The following MYH2 variants were observed in gnomAD, a reference collection of about 807,000 sequenced individuals.
MYH2 encodes myosin-2.
A neutral mutation model predicts 228.1 loss-of-function variants in MYH2; 139 were observed. That is an observed-to-expected ratio of 0.61 (90% confidence interval 0.53 to 0.70). The LOEUF (loss-of-function observed/expected upper bound fraction) is 0.70, where lower values mean the gene tolerates loss of function less well. Ranked by LOEUF, MYH2 falls within the 30% of genes least tolerant of loss-of-function variation. The pLI is 0.00. For synonymous variants in MYH2, 796 were observed against 871.1 expected (o/e 0.91, Z 1.52); for missense variants, 1,809 against 2,357.5 (o/e 0.77, Z 4.82).
rs746616522 is a variant in MYH2 at position 10,523,671 on chromosome 17, A to G, written c.5302-5T>C. 7 of 1,614,216 alleles carry G rather than the reference A, an allele frequency of 4.3e-6. No homozygotes were observed. In the Admixed American group the frequency reaches 1.0e-4, roughly 23 times the overall value. On this transcript the variant is annotated splice_region_variant and splice_polypyrimidine_tract_variant and intron_variant, in intron 36 of 39. Coordinates refer to ENST00000245503, the MANE Select transcript of MYH2 (RefSeq NM_017534.6). ...CTCCTCAGCCATCATGGCGGCCTAA[A>G]TAGCAAATAAATCAAGAAAACCAAG...
intron 14 of MYH2, among the ~76,000 whole-genome samples, chr17:10,538,849 C>T (rs1330918635): frequency 3.3e-5 from 5 of 151,964 alleles, no homozygotes; most frequent in Non-Finnish European, 7.4e-5. Context: ...TTCATGATAT[C>T]ACACTAATGA....
intron 21 of MYH2, among the ~76,000 whole-genome samples, chr17:10,533,055 TATTAG>T (rs1310173119): frequency 2.0e-5 from 3 of 152,200 alleles, no homozygotes; most frequent in Non-Finnish European, 2.9e-5. Flanking sequence ...TATTTTATCT[TATTAG>T]ATAAGAAGTA....
Position 10,533,295 on chromosome 17 carries a change from C to T in MYH2, c.2431G>A (p.Val811Met). ...FLARVEYQRM[V>M]ERREAIFCIQ... The stretch of plus-strand genomic sequence containing the variant: ...ACATATTTTTTATACCTTCTCTCCA[C>T]CATCCTCTGGTACTCCACTCTTGCC... Residue 811 changes from valine to methionine, a missense_variant, in exon 21 of 40, where the codon GTG (valine) becomes ATG (methionine). By Grantham distance (21) the Val-to-Met change is conservative. Transcript: ENST00000245503. 1 of 1,614,200 alleles carries T rather than the reference C, an allele frequency of 6.2e-7. No individual in the cohort carries two copies. Among genetic ancestry groups the T allele is most frequent in the South Asian group, 1.1e-5 (1 of 91,080 alleles).
At position 10,540,033 on chromosome 17, in the gene MYH2, C is replaced by G. The variant is rs1393204531; in HGVS notation, c.1042G>C (p.Glu348Gln). Residue 348 changes from glutamate to glutamine, a missense_variant, in exon 12 of 40, where the codon GAA (glutamate) becomes CAA (glutamine). Around this residue, in one of 9 missense-constraint regions of MYH2, gnomAD observed 373 missense variants for 620.4 expected, o/e 0.60. Coordinates refer to ENST00000245503, the MANE Select transcript of MYH2 (RefSeq NM_017534.6). The part of the protein sequence containing the change: ...AIDILGFTNE[E>Q]KVSIYKLTGA... ...GTGAGCTTGTAAATGGAGACCTTTT[C>G]TTCATTAGTAAAGCCCAAAATATCA... is the stretch of plus-strand genomic sequence containing the variant. 2 of 1,614,020 alleles carry G rather than the reference C, an allele frequency of 1.2e-6. No homozygotes were observed. Among genetic ancestry groups the G allele is most frequent in the South Asian group, 2.2e-5 (2 of 91,074 alleles).
intron 10 of MYH2, among the ~76,000 whole-genome samples, chr17:10,542,007 C>G (rs2073562273): frequency 1.3e-5 from 2 of 152,182 alleles, no homozygotes. Flanking sequence ...GGCACAGTGT[C>G]TCATGCCCAT....
chr17:10,528,893 G>C lies in MYH2; in HGVS notation c.3541C>G (p.Arg1181Gly). The change falls in exon 27 of 40, where the codon CGC becomes GGC. Residue 1181 changes from arginine to glycine, a missense_variant. Arg to Gly is a moderately radical substitution (Grantham distance 125). This residue lies in a region of MYH2 where 636 missense variants were observed against 729.9 expected (regional missense o/e 0.87). Coordinates refer to ENST00000245503, the MANE Select transcript of MYH2 (RefSeq NM_017534.6). ...AGGGTGGCCTCCTCCAGGTCCCTGC[G>C]CATTTTCTGGAACTCAGCCTCCCGC... is the stretch of plus-strand genomic sequence containing the variant. ...KKREAEFQKM[R>G]RDLEEATLQH... 2 of 1,614,172 alleles carry C rather than the reference G, an allele frequency of 1.2e-6. No individual in the cohort carries two copies. Among genetic ancestry groups the C allele is most frequent in the Non-Finnish European group, 8.5e-7 (1 of 1,180,046 alleles).
At chr17:10,539,907 T>G (rs1434916617) in intron 12 of MYH2, 21 bp downstream of exon 12, 1 of 1,613,824 alleles carries the variant, frequency 6.2e-7, no homozygotes, top group African/African-American at 1.3e-5. Context: ...TGCAAAATCA[T>G]GGGAGTGACT....
At position 10,534,781 on chromosome 17, in the gene MYH2, G is replaced by A. The variant is rs2073463684; in HGVS notation, c.2180+292C>T. The stretch of plus-strand genomic sequence containing the variant: ...AAAATGCAAAAATTAGCTGGGCGTG[G>A]TGGCATATGCCTGTAGTCCCAGCTA... On this transcript the variant is annotated intron_variant, in intron 19 of 39. Transcript: ENST00000245503. 2.0e-5 allele frequency among the ~76,000 whole-genome samples: 3 copies of A among 152,170 alleles called. No individual in the cohort carries two copies. The South Asian group carries it at 6.2e-4, about 32-fold the overall frequency.
At chr17:10,529,769 G>T (rs1048323940) in intron 23 of MYH2, 29 bp from the exon 24 acceptor site, 1 of 1,614,004 alleles carries the variant, frequency 6.2e-7, no homozygotes, top group South Asian at 1.1e-5. Context: ...CAGTTTAGTT[G>T]CTATAAAGCA....
chr17:10,538,156 T>A (rs1391000946), intron 14 of MYH2, among the ~76,000 whole-genome samples: 2 of 152,286 alleles, frequency 1.3e-5, no homozygotes, highest in South Asian at 4.1e-4. Context: ...CTTCTACATT[T>A]TCCAGAAGGT....
intron 8 of MYH2, 29 bp downstream of exon 8, chr17:10,543,682 G>A (rs199773022): frequency 2.5e-6 from 4 of 1,612,438 alleles, no homozygotes; most frequent in Admixed American, 1.7e-5. Flanking sequence ...CCAGTGAACA[G>A]CATCTATTAG....
In MYH2 at chr17:10,525,629, G is replaced by A. The variant is rs750414372; in HGVS notation, c.4372-13C>T. The A allele has an allele frequency of 1.9e-6, 3 of 1,614,114 alleles. No homozygotes were observed. The highest frequency in any genetic ancestry group is 2.5e-6 in the Non-Finnish European group (3 of 1,180,024). On this transcript the variant is annotated splice_polypyrimidine_tract_variant and intron_variant, in intron 31 of 39. Transcript: ENST00000245503. This position sits in a 1 kb window ranked among gnomAD's most constrained non-coding sequence, Gnocchi z 4.2. ...ATTCTGCCAGGATCTGAAAAACCAA[G>A]ACCTGTTACCTGCTGCAAAGACAAA...
At chr17:10,527,227 T>G (rs1370961212) in intron 28 of MYH2, among the ~76,000 whole-genome samples, 171 bp from the exon 29 acceptor site, 1 of 152,246 alleles carries the variant, frequency 6.6e-6, no homozygotes, top group Admixed American at 6.5e-5. Context: ...TGGTGAAACT[T>G]TCAGATCAAT....
At chr17:10,530,995 C>G (rs1478038188) in intron 22 of MYH2, among the ~76,000 whole-genome samples, 1 of 152,118 alleles carries the variant, frequency 6.6e-6, no homozygotes. Context: ...TTGATGGAAG[C>G]AGTTCTAAAA....
Position 10,521,397 on chromosome 17 carries a change from G to A in MYH2, c.5709C>T (p.Arg1903=), listed in dbSNP as rs2073282632. The change falls in exon 40 of 40, where the codon CGC becomes CGT. Residue 1903 remains arginine (R), a synonymous_variant. Coordinates refer to ENST00000245503, the MANE Select transcript of MYH2 (RefSeq NM_017534.6). ...CCTCCTCCAGCTCATGCTGGAGCTT[G>A]CGGAATTTAGCTAGATTGGTGTTGG... The part of the protein sequence containing the change: ...EQSNTNLAKF[R]KLQHELEEAE... 6.2e-7 allele frequency: 1 copy of A among 1,613,980 alleles called. No individual in the cohort carries two copies. The highest frequency in any genetic ancestry group is 1.1e-5 in the South Asian group (1 of 91,090).
Position 10,521,319 on chromosome 17 carries a change from C to T in MYH2, c.5787G>A (p.Lys1929=). 2 of 1,614,134 alleles carry T rather than the reference C, an allele frequency of 1.2e-6. No homozygotes were observed. Among genetic ancestry groups the T allele is most frequent in the Non-Finnish European group, 1.7e-6 (2 of 1,180,026 alleles). Residue 1929 remains lysine (K), a synonymous_variant, in exon 40 of 40, where the codon AAG becomes AAA. Coordinates refer to ENST00000245503, the MANE Select transcript of MYH2 (RefSeq NM_017534.6). The part of the protein sequence containing the change: ...AESQVNKLRV[K]SREVHTKVIS... ...TGACTTTTGTGTGAACCTCCCGGCT[C>T]TTCACCCGCAGTTTGTTCACCTGGG...
chr17:10,540,190 G>T, intron 11 of MYH2, 124 bp from the exon 12 acceptor site: 1 of 1,336,116 alleles, frequency 7.5e-7, no homozygotes, highest in Non-Finnish European at 1.1e-6. Flanking sequence ...GAACCCCTTA[G>T]ATTGGGTATA....
In MYH2 at chr17:10,547,903, T is replaced by A. The variant is rs767327447; in HGVS notation, c.18A>T (p.Glu6Asp). The change falls in exon 3 of 40, where the codon GAA becomes GAT. Residue 6 changes from glutamate (E) to aspartate (D), a missense_variant. Coordinates refer to ENST00000245503, the MANE Select transcript of MYH2 (RefSeq NM_017534.6). MSSDSELAVFGEAAPF... is the reference protein window; with the variant it reads MSSDSDLAVFGEAAPF... ...GAGCAGCCTCCCCAAAAACAGCCAA[T>A]TCTGAGTCTGAACTCATGGCTGCTG... 6.2e-6 allele frequency: 10 copies of A among 1,614,190 alleles called. No homozygotes were observed. Among genetic ancestry groups the A allele is most frequent in the Non-Finnish European group, 7.6e-6 (9 of 1,180,034 alleles).
At chr17:10,535,966 T>C (rs1021334169) in intron 17 of MYH2, among the ~76,000 whole-genome samples, 1 of 152,240 alleles carries the variant, frequency 6.6e-6, no homozygotes, top group African/African-American at 2.4e-5. Flanking sequence ...TCTGAGTTCA[T>C]GTCATTGCTC....
Sources: gnomAD v4.1 joint callset for allele counts (sites outside exome capture counted in the v4.1 genomes callset) on GRCh38, gnomAD v4.1.1 for gene constraint, gnomAD v4.1.1 regional missense constraint, Gnocchi (gnomAD v3.1) non-coding constraint, MANE v1.5 for transcripts, NCBI Gene and HGNC (gene_info 2026-07-23, HGNC 2026-07-21) for gene names.